CIITA: variants seen among roughly 807,000 people sequenced by gnomAD.
CIITA encodes class II major histocompatibility complex transactivator.
In CIITA, 72 loss-of-function variants were observed where a neutral mutation model predicts 115.1. That is an observed-to-expected ratio of 0.63 (90% CI 0.52 to 0.76). The LOEUF is 0.76. Among genes scored for constraint, CIITA ranks in the 30% least tolerant of loss-of-function variants. The pLI, the probability that CIITA is intolerant of heterozygous loss-of-function variation, is 0.00. For missense variants in CIITA, 1,617 were observed against 1,463.8 expected, an observed-to-expected ratio of 1.10 and a Z score of -1.71; for synonymous variants, 763 against 635.6, an observed-to-expected ratio of 1.20 and a Z score of -3.02.
At chr16:10,880,603 C>T (rs974831752) in intron 1 of CIITA, among the ~76,000 whole-genome samples, 2 of 152,184 alleles carry the variant, frequency 1.3e-5, no homozygotes, top group Non-Finnish European at 2.9e-5. Context: ...CAGGGCAGGT[C>T]CCAGGCAGTC....
intron 5 of CIITA, among the ~76,000 whole-genome samples, chr16:10,899,313 C>G (rs1261039488): frequency 6.6e-6 from 1 of 152,208 alleles, no homozygotes; most frequent in East Asian, 1.9e-4. Flanking sequence ...CCTTTCAAGC[C>G]TCGGGGCCTT....
chr16:10,877,124 G>A (rs142182427), upstream of CIITA: 252 of 636,078 alleles, frequency 4.0e-4, 1 homozygote, highest in African/African-American at 4.2e-3. Context: ...ACCTTGCAGG[G>A]AGAGTTTTTT....
In CIITA at chr16:10,879,246, C is replaced by T. The variant is rs532853449; in HGVS notation, c.52+1864C>T. 2.6e-5 allele frequency among the ~76,000 whole-genome samples: 4 copies of T among 152,320 alleles called. No individual in the cohort carries two copies. The highest frequency in any genetic ancestry group is 9.6e-5 in the African/African-American group (4 of 41,574). Reference sequence around the variant, plus strand: ...GGAACCAGGAGCCGGGAACCCGGAGCTTGGCTTGCTGTGCCCAGAGCTCCG... The same window carrying T: ...GGAACCAGGAGCCGGGAACCCGGAGTTTGGCTTGCTGTGCCCAGAGCTCCG... On this transcript the variant is annotated intron_variant, in intron 1 of 19. Transcript: ENST00000324288. The surrounding 1 kb of genome is among the most constrained non-coding windows in gnomAD (Gnocchi z 4.3).
chr16:10,907,148 C>T lies in CIITA; in HGVS notation c.1656C>T (p.Arg552=). Residue 552 remains arginine, a synonymous_variant, in exon 11 of 20, where the codon CGC becomes CGT. Coordinates refer to ENST00000324288, the MANE Select transcript of CIITA (RefSeq NM_000246.4). This position sits in a 1 kb window ranked among gnomAD's most constrained non-coding sequence, Gnocchi z 5.0. ...TCCTCACAGCCCGGCCCCGGGGCCGCCTGGTCCAGAGCCTGAGCAAGGCCG... is the reference window on the plus strand; with the variant it reads ...TCCTCACAGCCCGGCCCCGGGGCCGTCTGGTCCAGAGCCTGAGCAAGGCCG... ...TLLLTARPRG[R]LVQSLSKADA... is the part of the protein sequence containing the mutation. The T allele has an allele frequency of 6.2e-7, 1 of 1,612,608 alleles. No homozygotes were observed. Among genetic ancestry groups the T allele is most frequent in the Non-Finnish European group, 8.5e-7 (1 of 1,179,742 alleles).
intron 13 of CIITA, among the ~76,000 whole-genome samples, chr16:10,915,369 G>A (rs1019510307): frequency 3.9e-5 from 6 of 152,060 alleles, no homozygotes; most frequent in African/African-American, 7.2e-5. Context: ...CTCTTATGGG[G>A]GGCTATGAAA....
At chr16:10,872,381 C>T (rs527892255), upstream of CIITA, among the ~76,000 whole-genome samples, 150 of 152,202 alleles carry the variant, frequency 9.9e-4, 1 homozygote, top group Non-Finnish European at 7.2e-4. Context: ...TCTCAGCTTC[C>T]CAAAATGCTG....
intron 15 of CIITA, among the ~76,000 whole-genome samples, chr16:10,917,915 C>T (rs2040047406): frequency 6.6e-6 from 1 of 152,196 alleles, no homozygotes; most frequent in Non-Finnish European, 1.5e-5. Context: ...TGTGGGACTT[C>T]TCCAGTAATT....
rs2039088089 is a variant in CIITA, at chr16:10,905,633, G to A, written c.1006+821G>A. Among the ~76,000 whole-genome samples, 4 of 152,068 alleles carry A rather than the reference G, an allele frequency of 2.6e-5. No individual in the cohort carries two copies. In the South Asian group the frequency reaches 6.2e-4, roughly 24 times the overall value. ...AAAAATTAGCCAGACGTGGTAGTGG[G>A]TGCCTGTAATCCCAGCTACTTGGCA... On this transcript the variant is annotated intron_variant, in intron 10 of 19. Coordinates refer to ENST00000324288, the MANE Select transcript of CIITA (RefSeq NM_000246.4).
At position 10,923,087 on chromosome 16, in the gene CIITA, A is replaced by T; in HGVS notation, c.3318-141A>T. ...AGGCTTCTCCTTTTCCCCATGACCC[A>T]CACCGGTCGGTATCTTGCCAGGGGA... On this transcript the variant is annotated intron_variant, in intron 18 of 19. Transcript: ENST00000324288. The surrounding 1 kb of genome is among the most constrained non-coding windows in gnomAD (Gnocchi z 5.2). 3 of 757,500 alleles carry T rather than the reference A, an allele frequency of 4.0e-6. No individual in the cohort carries two copies. The highest frequency in any genetic ancestry group is 7.1e-6 in the Non-Finnish European group (3 of 424,986). 46.9% of individuals were successfully genotyped at this position (757,500 alleles called of 1,614,324 possible).
rs1202117070 is a variant in CIITA, at chr16:10,908,054, G to C, written c.2562G>C (p.Ala854=). The C allele has an allele frequency of 1.9e-6, 3 of 1,613,156 alleles. No individual in the cohort carries two copies. Among genetic ancestry groups the C allele is most frequent in the Non-Finnish European group, 1.7e-6 (2 of 1,179,618 alleles). Residue 854 remains alanine (A), a synonymous_variant, in exon 11 of 20, where the codon GCG becomes GCC. Coordinates refer to ENST00000324288, the MANE Select transcript of CIITA (RefSeq NM_000246.4). ...ATGTACTGGGCAAGGCCTTGGAGGC[G>C]GCGGGCCAAGACTTCTCCCTGGACC... ...DAHVLGKALE[A]AGQDFSLDLR...
chr16:10,902,659 G>A lies in CIITA; in HGVS notation c.630G>A (p.Met210Ile), dbSNP rs2038865363. The change falls in exon 8 of 20, where the codon ATG becomes ATA. Residue 210 changes from methionine to isoleucine, a missense_variant and splice_region_variant. Transcript: ENST00000324288. ...CCTCACTGCCTTTGTCTCTTGCAGT[G>A]CCTTTCTCCAGTTCCTCGTTGAGCT... is the stretch of plus-strand genomic sequence containing the variant. ...MRLEKTDQIP[M>I]PFSSSSLSCL... 1 of 1,614,228 alleles carries A rather than the reference G, an allele frequency of 6.2e-7. No individual in the cohort carries two copies. Among genetic ancestry groups the A allele is most frequent in the Non-Finnish European group, 8.5e-7 (1 of 1,180,050 alleles).
intron 8 of CIITA, among the ~76,000 whole-genome samples, chr16:10,903,121 A>C (rs1567408235): frequency 6.6e-6 from 1 of 152,172 alleles, no homozygotes; most frequent in Non-Finnish European, 1.5e-5. Context: ...ATGCTCACTA[A>C]TAAGCTAATG....
At position 10,923,042 on chromosome 16, in the gene CIITA, A is replaced by G. The variant is rs2040358913; in HGVS notation, c.3318-186A>G. On this transcript the variant is annotated intron_variant, in intron 18 of 19. Transcript: ENST00000324288. This position sits in a 1 kb window ranked among gnomAD's most constrained non-coding sequence, Gnocchi z 5.2. Reference sequence around the variant, plus strand: ...CACAGCAAGTCAGCTGCAGAACCATAAAGGAATCTCGGGCCTCCTAGGCTT... The same window carrying G: ...CACAGCAAGTCAGCTGCAGAACCATGAAGGAATCTCGGGCCTCCTAGGCTT... 3.2e-6 allele frequency: 2 copies of G among 624,488 alleles called. No individual in the cohort carries two copies. Among genetic ancestry groups the G allele is most frequent in the Admixed American group, 5.2e-5 (2 of 38,710 alleles). The allele number at this position is 624,488 out of a possible 1,614,324, so 38.7% of individuals were successfully genotyped here. A position where few individuals can be genotyped will look rare whatever the true frequency, so the allele number is the denominator to read the frequency against.
chr16:10,936,184 C>CG lies in CIITA; in HGVS notation c.*12333dup, dbSNP rs1359767819. ...TTTTTTTTCCTACTTTTTGTAGAGA[C>CG]GGGGTCTCACTATGTTGCCCAGGCT... On this transcript the variant is annotated 3_prime_UTR_variant, in exon 20 of 20. Transcript: ENST00000324288. 6.6e-6 allele frequency: 1 copy of CG among 151,852 alleles called. No individual in the cohort carries two copies. The allele number at this position is 151,852 out of a possible 1,614,324, so 9.4% of individuals were successfully genotyped here. A position where few individuals can be genotyped will look rare whatever the true frequency, so the allele number is the denominator to read the frequency against.
In CIITA at chr16:10,918,614, C is replaced by G. The variant is rs1389514960; in HGVS notation, c.3149+88C>G. ...CACATCGTGCTGGCTGCAGGGGACA[C>G]TGAGACCCTAGAAGCAATCACCACA... is the stretch of plus-strand genomic sequence containing the variant. On this transcript the variant is annotated intron_variant, in intron 16 of 19. Coordinates refer to ENST00000324288, the MANE Select transcript of CIITA (RefSeq NM_000246.4). 3 of 1,149,114 alleles carry G rather than the reference C, an allele frequency of 2.6e-6. No homozygotes were observed. The East Asian group carries it at 7.0e-5, about 27-fold the overall frequency. The allele number at this position is 1,149,114 out of a possible 1,614,324, so 71.2% of individuals were successfully genotyped here.
rs764707143 is a variant in CIITA, at chr16:10,925,414, C to G, written c.*1559C>G. On this transcript the variant is annotated 3_prime_UTR_variant, in exon 20 of 20. Coordinates refer to ENST00000324288, the MANE Select transcript of CIITA (RefSeq NM_000246.4). ...CCTCAACCTCCTGGGCTAAGTGATC[C>G]TCCCACCTCAGCCTCCCGAATAGCT... The G allele has an allele frequency of 2.0e-5, 3 of 152,312 alleles. No individual in the cohort carries two copies. Among genetic ancestry groups the G allele is most frequent in the Admixed American group, 2.0e-4 (3 of 15,288 alleles). 9.4% of individuals were successfully genotyped at this position (152,312 alleles called of 1,614,324 possible). A position where few individuals can be genotyped will look rare whatever the true frequency, so the allele number is the denominator to read the frequency against.
intron 3 of CIITA, among the ~76,000 whole-genome samples, chr16:10,897,028 G>A (rs2144343269): frequency 1.3e-5 from 2 of 152,352 alleles, no homozygotes; most frequent in Admixed American, 1.3e-4. Context: ...CATGTCATAG[G>A]ATTTGGGTGT....
intron 13 of CIITA, chr16:10,914,926 C>T: frequency 2.7e-6 from 1 of 371,948 alleles, no homozygotes; most frequent in Non-Finnish European, 5.4e-6. Flanking sequence ...GGACCCCTTC[C>T]CCAGGCTGCG....
Position 10,896,572 on chromosome 16 carries a change from C to T in CIITA, c.295+808C>T, listed in dbSNP as rs111607984. On this transcript the variant is annotated intron_variant, in intron 3 of 19. Transcript: ENST00000324288. ...CTCTTCTCACCAGCATCACCACCACCTCATACAGAGCCTATGTTGAAATAG... is the reference window on the plus strand; with the variant it reads ...CTCTTCTCACCAGCATCACCACCACTTCATACAGAGCCTATGTTGAAATAG... Among the ~76,000 whole-genome samples the T allele has an allele frequency of 1.4e-3, 211 of 152,224 alleles. 3 individuals carry two copies. Among genetic ancestry groups the T allele is most frequent in the African/African-American group, 4.8e-3 (200 of 41,530 alleles).
Sources: gnomAD v4.1 joint callset for allele counts (sites outside exome capture counted in the v4.1 genomes callset) on GRCh38, gnomAD v4.1.1 for gene constraint, Gnocchi (gnomAD v3.1) non-coding constraint, MANE v1.5 for transcripts, NCBI Gene and HGNC (gene_info 2026-07-23, HGNC 2026-07-21) for gene names.